SMIM7: variants seen among roughly 807,000 people sequenced by gnomAD.
SMIM7 encodes small integral membrane protein 7, also known as UPF0608 protein C19orf42.
A neutral mutation model predicts 13.3 loss-of-function variants in SMIM7; 12 were observed. The ratio of observed to expected loss-of-function variants is 0.90; its 90% confidence interval spans 0.58 to 1.46. The LOEUF is 1.46. SMIM7 is among the 40% of genes most tolerant of loss of function. SMIM7 has a pLI of 0.00. For synonymous variants in SMIM7, 36 were observed against 35.8 expected, an observed-to-expected ratio of 1.01 and a Z score of -0.02; for missense variants, 114 against 94.8, an observed-to-expected ratio of 1.20 and a Z score of -0.84.
chr19:16,650,922 G>A (rs889244596), intron 4 of SMIM7, among the ~76,000 whole-genome samples: 5 of 152,182 alleles, frequency 3.3e-5, no homozygotes, highest in Non-Finnish European at 7.3e-5. Flanking sequence ...CACAGCTGAA[G>A]TTAGGCTGCA....
intron 4 of SMIM7, among the ~76,000 whole-genome samples, chr19:16,649,803 G>A (rs1255708867): frequency 6.6e-6 from 1 of 152,156 alleles, no homozygotes; most frequent in African/African-American, 2.4e-5. Flanking sequence ...AAGGAATGAA[G>A]CACTGCTCCA....
intron 2 of SMIM7, 79 bp from the exon 3 acceptor site, chr19:16,659,526 A>G: frequency 7.0e-7 from 1 of 1,434,504 alleles, no homozygotes; most frequent in Middle Eastern, 2.2e-4. Context: ...TCAGAAGGCC[A>G]CAAACACTAA....
intron 4 of SMIM7, among the ~76,000 whole-genome samples, chr19:16,649,881 C>T (rs146759030): frequency 1.8e-4 from 28 of 152,202 alleles, no homozygotes; most frequent in Non-Finnish European, 1.5e-4. Flanking sequence ...AAAGGCCATG[C>T]AGTGTATGAC....
intron 4 of SMIM7, among the ~76,000 whole-genome samples, chr19:16,650,305 G>T (rs1020380134): frequency 6.6e-6 from 1 of 152,324 alleles, no homozygotes; most frequent in Admixed American, 6.5e-5. Context: ...GTGTTTCAAT[G>T]TAAGTTATAG....
intron 3 of SMIM7, among the ~76,000 whole-genome samples, chr19:16,658,245 T>C (rs62116928): frequency 0.11 from 16,712 of 152,236 alleles, 1,278 homozygotes; most frequent in African/African-American, 0.22. Context: ...TTAGAAACCA[T>C]GTGTCCCACC....
At chr19:16,630,934 T>C (rs10425272) in exon 5 of SMIM7, 14,288 of 152,254 alleles carry the variant, frequency 0.094, 702 homozygotes, top group South Asian at 0.13. Context: ...ATCCTGTCAG[T>C]TATGCGAAGA....
chr19:16,632,396 C>T (rs1053937757), intron 4 of SMIM7, among the ~76,000 whole-genome samples: 3 of 152,002 alleles, frequency 2.0e-5, no homozygotes, highest in Non-Finnish European at 4.4e-5. Flanking sequence ...GATGGGGATA[C>T]AGAAAGGTTC....
exon 5 of SMIM7, chr19:16,631,309 C>T (rs988099298): frequency 3.3e-5 from 5 of 152,072 alleles, no homozygotes; most frequent in Admixed American, 2.0e-4. Context: ...TTGCATGAAC[C>T]TGGGAGGCAG....
In SMIM7 at chr19:16,654,109, T is replaced by A. The variant is rs1383340447; in HGVS notation, c.138A>T (p.Glu46Asp). The change falls in exon 4 of 5, where the codon GAA becomes GAT. Residue 46 changes from glutamate to aspartate, a missense_variant. Physicochemically the swap from Glu to Asp is conservative, Grantham distance 45. Transcript: ENST00000487416. ...GAAAGTATCTGAGGCTCAGCAAGAA[T>A]TCCCGGATGTTGTCACCTGGAAGAA... ...REPSTGDNIR[E>D]FLLSLRYFRI... 1.2e-6 allele frequency: 2 copies of A among 1,614,100 alleles called. No homozygotes were observed.
intron 4 of SMIM7, chr19:16,631,731 G>C (rs1599355310): frequency 6.6e-6 from 1 of 152,188 alleles, no homozygotes; most frequent in Non-Finnish European, 1.5e-5. Context: ...GCCCCTGAGA[G>C]ACAGGCCATT....
chr19:16,654,879 C>A (rs2086576195), intron 3 of SMIM7, among the ~76,000 whole-genome samples: 1 of 143,448 alleles, frequency 7.0e-6, no homozygotes, highest in African/African-American at 2.9e-5. Context: ...CACCATATGG[C>A]CCGCAAAGCC....
intron 4 of SMIM7, chr19:16,638,954 GCA>G (rs1203987346): frequency 1.3e-5 from 2 of 152,092 alleles, no homozygotes; most frequent in Non-Finnish European, 2.9e-5. Flanking sequence ...TCTTTCTCAT[GCA>G]CACAATGTAC....
chr19:16,652,500 C>T lies in SMIM7; in HGVS notation c.212+1535G>A, dbSNP rs577540979. 1.7e-4 allele frequency: 176 copies of T among 1,020,234 alleles called. No homozygotes were observed. In the African/African-American group the frequency reaches 2.8e-3, roughly 16 times the overall value. 63.2% of individuals were successfully genotyped at this position (1,020,234 alleles called of 1,614,324 possible). A position where few individuals can be genotyped will look rare whatever the true frequency, so the allele number is the denominator to read the frequency against. On this transcript the variant is annotated intron_variant, in intron 4 of 4. Coordinates refer to ENST00000487416, the MANE Select transcript of SMIM7 (RefSeq NM_024104.4). ...TACAGGCCTGAGCCACTGCCCCTGG[C>T]CGTTCCTACAATTTCATGTAAGTTC...
In SMIM7 at chr19:16,653,692, A is replaced by T. The variant is rs557401775; in HGVS notation, c.212+343T>A. On this transcript the variant is annotated intron_variant, in intron 4 of 4. Coordinates refer to ENST00000487416, the MANE Select transcript of SMIM7 (RefSeq NM_024104.4). ...GGACGAATCACAAGGTCAGGAGATC[A>T]AGACCATCCTGGATAACACGATGGA... 3.0e-5 allele frequency: 8 copies of T among 263,934 alleles called. No homozygotes were observed. The East Asian group carries it at 7.0e-4, about 23-fold the overall frequency. The allele number at this position is 263,934 out of a possible 1,614,324, so 16.3% of individuals were successfully genotyped here. A position where few individuals can be genotyped will look rare whatever the true frequency, so the allele number is the denominator to read the frequency against.
chr19:16,633,929 A>G (rs1170784804), intron 4 of SMIM7: 8 of 152,110 alleles, frequency 5.3e-5, no homozygotes, highest in Admixed American at 2.6e-4. Flanking sequence ...GATGATGTTT[A>G]TTTTCTTCTT....
downstream of SMIM7, chr19:16,644,735 T>G (rs1409108803): frequency 6.6e-6 from 1 of 152,218 alleles, no homozygotes; most frequent in Non-Finnish European, 1.5e-5. Flanking sequence ...CTGTTTGCAA[T>G]TCGTAAAAAT....
chr19:16,658,999 T>C (rs570064802), intron 3 of SMIM7, among the ~76,000 whole-genome samples: 22 of 152,088 alleles, frequency 1.4e-4, no homozygotes, highest in Middle Eastern at 3.4e-3. Context: ...ACACGCTCAA[T>C]TAAAGAGAAA....
At chr19:16,636,280 G>C (rs2086360764) in intron 4 of SMIM7, 1 of 152,190 alleles carries the variant, frequency 6.6e-6, no homozygotes, top group South Asian at 2.1e-4. Flanking sequence ...CTCCCTGAGA[G>C]CCTCCAGAAG....
intron 4 of SMIM7, among the ~76,000 whole-genome samples, chr19:16,653,177 C>T (rs1010285866): frequency 6.6e-6 from 1 of 152,126 alleles, no homozygotes; most frequent in Non-Finnish European, 1.5e-5. Context: ...CGGGCATAGC[C>T]GGGGGCTGGA....
Sources: allele counts gnomAD v4.1 joint callset (sites outside exome capture counted in the v4.1 genomes callset), GRCh38; gene constraint gnomAD v4.1.1; transcripts MANE v1.5; gene names NCBI Gene and HGNC (gene_info 2026-07-23, HGNC 2026-07-21).